POC1A: variants seen among roughly 807,000 people sequenced by gnomAD.
POC1A encodes POC1 centriolar protein homolog A.
Under a neutral mutation model 47.8 loss-of-function variants are expected in POC1A, and 34 were observed. That is an observed-to-expected ratio of 0.71 (90% CI 0.54 to 0.95). The LOEUF is 0.95. Ranked by LOEUF, POC1A falls within the 40% of genes least tolerant of loss-of-function variation. POC1A has a pLI of 0.00. For synonymous variants in POC1A, 177 were observed against 207.6 expected, an observed-to-expected ratio of 0.85 and a Z score of 1.27; for missense variants, 466 against 528.3, an observed-to-expected ratio of 0.88 and a Z score of 1.16.
chr3:52,119,295 T>C (rs896293966), intron 9 of POC1A, among the ~76,000 whole-genome samples: 1 of 152,144 alleles, frequency 6.6e-6, no homozygotes, highest in African/African-American at 2.4e-5. Context: ...CTAGGTCAGC[T>C]TCTTTTCTGG....
At chr3:52,113,264 G>A (rs1703444248) in intron 9 of POC1A, among the ~76,000 whole-genome samples, 1 of 152,242 alleles carries the variant, frequency 6.6e-6, no homozygotes, top group South Asian at 2.1e-4. Flanking sequence ...GGAAGAAAAA[G>A]GAGCTGGGAC....
rs926613306 is a variant in POC1A at position 52,138,302 on chromosome 3, A to T, written c.680T>A (p.Leu227Ter). ...RTHRLLQHYQ[L>*]HSAAVNGLSF... ...GAGCCCGTTCACTGCTGCACTGTGC[A>T]CTGGGGGAAGGACATCAGTCAGGTG... Residue 227 changes from leucine (L) to a stop codon, truncating the protein, a stop_gained and splice_region_variant, in exon 7 of 11, where the codon TTG (leucine) becomes TAG (stop). Coordinates refer to ENST00000296484, the MANE Select transcript of POC1A (RefSeq NM_015426.5). LOFTEE classifies it high-confidence loss of function. 2 of 1,610,654 alleles carry T rather than the reference A, an allele frequency of 1.2e-6. No individual in the cohort carries two copies. The highest frequency in any genetic ancestry group is 1.7e-6 in the Non-Finnish European group (2 of 1,178,272).
At chr3:52,091,394 G>C (rs1370507190) in intron 10 of POC1A, among the ~76,000 whole-genome samples, 1 of 152,208 alleles carries the variant, frequency 6.6e-6, no homozygotes, top group Non-Finnish European at 1.5e-5. Flanking sequence ...TCCCTAAAAA[G>C]CATTACAATA....
intron 9 of POC1A, among the ~76,000 whole-genome samples, chr3:52,102,507 C>T (rs1342082911): frequency 6.6e-6 from 1 of 152,204 alleles, no homozygotes; most frequent in Non-Finnish European, 1.5e-5. Context: ...TGTGGCTCTT[C>T]TAAGGATACT....
chr3:52,128,602 C>G (rs930987312), intron 7 of POC1A, among the ~76,000 whole-genome samples: 17 of 152,184 alleles, frequency 1.1e-4, no homozygotes, highest in Admixed American at 1.1e-3. Flanking sequence ...TGGGCCAAAG[C>G]CAACATGTAC....
At chr3:52,128,395 C>T (rs557354694) in intron 7 of POC1A, among the ~76,000 whole-genome samples, 4 of 152,290 alleles carry the variant, frequency 2.6e-5, no homozygotes, top group South Asian at 2.1e-4. Flanking sequence ...CGCTCCTTTA[C>T]GAGACCAAAC....
At position 52,092,590 on chromosome 3, in the gene POC1A, A is replaced by C. The variant is rs140761403; in HGVS notation, c.1125+3979T>G. Reference sequence around the variant, plus strand: ...AAGTCCTTGGAAAGTGGCAGGCCTCAGATAAAAACCAGGAGGATGAAAACT... The same window carrying C: ...AAGTCCTTGGAAAGTGGCAGGCCTCCGATAAAAACCAGGAGGATGAAAACT... On this transcript the variant is annotated intron_variant, in intron 10 of 10. Coordinates refer to ENST00000296484, the MANE Select transcript of POC1A (RefSeq NM_015426.5). 1.8e-3 allele frequency among the ~76,000 whole-genome samples: 281 copies of C among 152,326 alleles called. 2 individuals carry two copies. Among genetic ancestry groups the C allele is most frequent in the African/African-American group, 6.4e-3 (266 of 41,568 alleles).
chr3:52,154,087 G>A (rs931021333), intron 1 of POC1A, among the ~76,000 whole-genome samples: 1 of 152,260 alleles, frequency 6.6e-6, no homozygotes, highest in African/African-American at 2.4e-5. Flanking sequence ...GTCGGGACTT[G>A]GTCGTGTGTC....
At chr3:52,127,214 T>C (rs1704034586) in intron 7 of POC1A, among the ~76,000 whole-genome samples, 2 of 152,140 alleles carry the variant, frequency 1.3e-5, no homozygotes, top group Admixed American at 1.3e-4. Flanking sequence ...GTGTAAGACA[T>C]CACGGGCTGT....
chr3:52,108,230 A>G (rs1236939282), intron 9 of POC1A, among the ~76,000 whole-genome samples: 2 of 152,218 alleles, frequency 1.3e-5, no homozygotes, highest in Non-Finnish European at 2.9e-5. Flanking sequence ...ATGCAAAGTT[A>G]CTATCTTTCC....
chr3:52,152,564 C>T (rs1167944647), intron 1 of POC1A, among the ~76,000 whole-genome samples: 1 of 151,118 alleles, frequency 6.6e-6, no homozygotes, highest in African/African-American at 2.4e-5. Flanking sequence ...AGTGAGACTC[C>T]TAATCAAAAA....
intron 7 of POC1A, among the ~76,000 whole-genome samples, chr3:52,136,845 G>A (rs1359025459): frequency 6.6e-6 from 1 of 152,204 alleles, no homozygotes; most frequent in Non-Finnish European, 1.5e-5. Flanking sequence ...AGTGTTTTCA[G>A]GCTAAGCGTG....
At chr3:52,097,892 G>A (rs540480326) in intron 9 of POC1A, among the ~76,000 whole-genome samples, 250 of 152,296 alleles carry the variant, frequency 1.6e-3, no homozygotes, top group Non-Finnish European at 2.0e-3. Flanking sequence ...AGGAATCAAC[G>A]TGCTTCAGAT....
Position 52,149,851 on chromosome 3 carries a change from G to C in POC1A, c.240C>G (p.Ser80=), listed in dbSNP as rs1698496826. The change falls in exon 3 of 11, where the codon TCC becomes TCG. Residue 80 remains serine (S), a synonymous_variant. Transcript: ENST00000296484. The stretch of plus-strand genomic sequence containing the variant: ...CCCAGATGCGGACAGTCTTGTCTCG[G>C]GAGCCGGAAGCAAGCAGGTGTCCCG... The part of the protein sequence containing the change: ...SPSGHLLASG[S]RDKTVRIWVP... The C allele has an allele frequency of 6.2e-7, 1 of 1,613,836 alleles. No homozygotes were observed. The highest frequency in any genetic ancestry group is 1.7e-5 in the Admixed American group (1 of 60,004).
At chr3:52,128,791 T>C (rs903893383) in intron 7 of POC1A, among the ~76,000 whole-genome samples, 7 of 152,228 alleles carry the variant, frequency 4.6e-5, no homozygotes, top group African/African-American at 9.6e-5. Flanking sequence ...GTCACCTGCA[T>C]TGAGTTCTTA....
chr3:52,108,658 C>G (rs944813992), intron 9 of POC1A, among the ~76,000 whole-genome samples: 3 of 152,150 alleles, frequency 2.0e-5, no homozygotes, highest in Admixed American at 6.5e-5. Flanking sequence ...CTGGCTCTAC[C>G]CAACCCGCAA....
At position 52,146,990 on chromosome 3, in the gene POC1A, G is replaced by A. The variant is rs777554538; in HGVS notation, c.561C>T (p.Gly187=). Residue 187 remains glycine (G), a splice_region_variant and synonymous_variant, in exon 5 of 11, where the codon GGC becomes GGT. Coordinates refer to ENST00000296484, the MANE Select transcript of POC1A (RefSeq NM_015426.5). ...RECVHSYCEH[G]GFVTYVDFHP... is the part of the protein sequence containing the mutation. Reference sequence around the variant, plus strand: ...GAGGACAGCATCTGGGGACTCACCCGCCATGCTCACAATACGAGTGGACAC... The same window carrying A: ...GAGGACAGCATCTGGGGACTCACCCACCATGCTCACAATACGAGTGGACAC... 4 of 1,612,286 alleles carry A rather than the reference G, an allele frequency of 2.5e-6. No homozygotes were observed. The highest frequency in any genetic ancestry group is 2.7e-5 in the African/African-American group (2 of 74,890).
At chr3:52,110,636 G>C (rs1703348161) in intron 9 of POC1A, among the ~76,000 whole-genome samples, 1 of 152,244 alleles carries the variant, frequency 6.6e-6, no homozygotes, top group Non-Finnish European at 1.5e-5. Flanking sequence ...CTCTCCTGTG[G>C]AGAGGTGATG....
In POC1A at chr3:52,091,690, T is replaced by C. The variant is rs569440967; in HGVS notation, c.1125+4879A>G. On this transcript the variant is annotated intron_variant, in intron 10 of 10. Coordinates refer to ENST00000296484, the MANE Select transcript of POC1A (RefSeq NM_015426.5). ...TTTCTGGGACTTGAGTCCAGCGGTATGGGGACTGTGGAATGTCCACTCCTG... is the reference window on the plus strand; with the variant it reads ...TTTCTGGGACTTGAGTCCAGCGGTACGGGGACTGTGGAATGTCCACTCCTG... Among the ~76,000 whole-genome samples, 3 of 152,338 alleles carry C rather than the reference T, an allele frequency of 2.0e-5. No individual in the cohort carries two copies. The South Asian group carries it at 6.2e-4, about 32-fold the overall frequency.
Sources: gnomAD v4.1 joint callset for allele counts (sites outside exome capture counted in the v4.1 genomes callset) on GRCh38, gnomAD v4.1.1 for gene constraint, MANE v1.5 for transcripts, NCBI Gene and HGNC (gene_info 2026-07-23, HGNC 2026-07-21) for gene names.